Variants in ZBTB4 observed in about 807,000 individuals in gnomAD.
ZBTB4 encodes zinc finger and BTB domain containing 4.
A neutral mutation model predicts 59.8 loss-of-function variants in ZBTB4; 14 were observed. The observed-to-expected ratio is 0.23, with a 90% confidence interval of 0.15 to 0.37. ZBTB4 has a LOEUF of 0.37. ZBTB4 is among the 10% of genes least tolerant of loss of function. The pLI is 1.00. For missense variants in ZBTB4, 1,198 were observed against 1,380.8 expected, an observed-to-expected ratio of 0.87 and a Z score of 2.10; for synonymous variants, 587 against 575.2, an observed-to-expected ratio of 1.02 and a Z score of -0.29.
Position 7,461,879 on chromosome 17 carries a change from G to C in ZBTB4, c.*61C>G, listed in dbSNP as rs1055989816. Reference sequence around the variant, plus strand: ...CAAGGGGCAGGGAGGCCAGGGAGCTGGTAGTGGTGGGGGGTTCAGGGAGGG... The same window carrying C: ...CAAGGGGCAGGGAGGCCAGGGAGCTCGTAGTGGTGGGGGGTTCAGGGAGGG... On this transcript the variant is annotated 3_prime_UTR_variant, in exon 4 of 4. Coordinates refer to ENST00000380599, the MANE Select transcript of ZBTB4 (RefSeq NM_001128833.2). 2.8e-6 allele frequency: 4 copies of C among 1,431,808 alleles called. No individual in the cohort carries two copies. Among genetic ancestry groups the C allele is most frequent in the Non-Finnish European group, 2.8e-6 (3 of 1,060,396 alleles). The allele number at this position is 1,431,808 out of a possible 1,614,324, so 88.7% of individuals were successfully genotyped here.
At chr17:7,481,580 C>T (rs1317220125), upstream of ZBTB4, 6 of 1,248,424 alleles carry the variant, frequency 4.8e-6, no homozygotes, top group African/African-American at 1.5e-5. Context: ...GCTCCATTTC[C>T]CCTCCTTTCC....
intron 2 of ZBTB4, 31 bp downstream of exon 2, chr17:7,467,226 C>G: frequency 9.9e-7 from 1 of 1,010,228 alleles, no homozygotes; most frequent in Non-Finnish European, 1.2e-6. Context: ...TCTACTTTGT[C>G]CTCACTGTAG....
upstream of ZBTB4, chr17:7,481,516 G>A (rs201720527): frequency 3.8e-6 from 6 of 1,561,094 alleles, no homozygotes; most frequent in East Asian, 1.5e-4. Flanking sequence ...TCCAAGGAAA[G>A]ATGGTGAGTG....
rs1327015754 is a variant in ZBTB4 at position 7,465,744 on chromosome 17, G to C, written c.1058C>G (p.Thr353Arg). 1 of 1,612,886 alleles carries C rather than the reference G, an allele frequency of 6.2e-7. No individual in the cohort carries two copies. ...EKVFALAEYR[T>R]KHEVWHTGER... ...CCCCGTGTGCCACACTTCATGCTTC[G>C]TGCGGTACTCCGCCAGAGCAAACAC... is the stretch of plus-strand genomic sequence containing the variant. The change falls in exon 3 of 4, where the codon ACG becomes AGG. Residue 353 changes from threonine (T) to arginine (R), a missense_variant. Around this residue, in one of 9 missense-constraint regions of ZBTB4, gnomAD observed 11 missense variants for 57.5 expected, o/e 0.19. Transcript: ENST00000380599.
intron 1 of ZBTB4, among the ~76,000 whole-genome samples, chr17:7,477,780 T>G (rs540494499): frequency 3.9e-5 from 6 of 152,184 alleles, no homozygotes; most frequent in African/African-American, 1.2e-4. Flanking sequence ...TTTTTTCCAT[T>G]TTAGTGACAA....
rs1236632779 is a variant in ZBTB4 at position 7,459,738 on chromosome 17, C to T, written c.*2202G>A. The T allele has an allele frequency of 9.2e-5, 14 of 152,426 alleles. No individual in the cohort carries two copies. The highest frequency in any genetic ancestry group is 9.2e-4 in the Admixed American group (14 of 15,262). 9.4% of individuals were successfully genotyped at this position (152,426 alleles called of 1,614,324 possible). A position where few individuals can be genotyped will look rare whatever the true frequency, so the allele number is the denominator to read the frequency against. On this transcript the variant is annotated 3_prime_UTR_variant, in exon 4 of 4. Coordinates refer to ENST00000380599, the MANE Select transcript of ZBTB4 (RefSeq NM_001128833.2). Reference sequence around the variant, plus strand: ...AATCTCATTTGTTGCCCAGAACCACCACATTCTGGAAGCTATTTTCCTTGA... The same window carrying T: ...AATCTCATTTGTTGCCCAGAACCACTACATTCTGGAAGCTATTTTCCTTGA...
In ZBTB4 at chr17:7,462,155, C is replaced by T. The variant is rs754134000; in HGVS notation, c.2827G>A (p.Ala943Thr). Residue 943 changes from alanine (A) to threonine (T), a missense_variant, in exon 4 of 4, where the codon GCT (alanine) becomes ACT (threonine). Around this residue, in one of 9 missense-constraint regions of ZBTB4, gnomAD observed 211 missense variants for 236.1 expected, o/e 0.89. Coordinates refer to ENST00000380599, the MANE Select transcript of ZBTB4 (RefSeq NM_001128833.2). The surrounding 1 kb of genome is among the most constrained non-coding windows in gnomAD (Gnocchi z 7.5). ...AYPYNFSNLA[A>T]LPVALNMVLP... ...ACCATGTTGAGAGCAACCGGGAGAG[C>T]GGCCAAGTTACTGAAGTTGTAAGGG... 114 of 1,613,696 alleles carry T rather than the reference C, an allele frequency of 7.1e-5. No individual in the cohort carries two copies. Among genetic ancestry groups the T allele is most frequent in the Non-Finnish European group, 1.9e-5 (23 of 1,179,898 alleles).
intron 1 of ZBTB4, among the ~76,000 whole-genome samples, chr17:7,478,330 C>A (rs2070297490): frequency 6.6e-6 from 1 of 152,180 alleles, no homozygotes; most frequent in Admixed American, 6.5e-5. Context: ...TGCCAACTGA[C>A]CCACAGGCCC....
chr17:7,475,832 G>A (rs372833204), intron 1 of ZBTB4, among the ~76,000 whole-genome samples: 22 of 152,128 alleles, frequency 1.4e-4, no homozygotes, highest in African/African-American at 3.6e-4. Context: ...GTCAAGATTC[G>A]AATCCAGGCC....
At chr17:7,482,240 C>G, upstream of ZBTB4, 6 of 1,614,012 alleles carry the variant, frequency 3.7e-6, no homozygotes, top group Non-Finnish European at 4.2e-6. Context: ...TATTGCCCTG[C>G]TACTTAAACT....
Position 7,463,166 on chromosome 17 carries a change from C to T in ZBTB4, c.1816G>A (p.Val606Met). ...ACGATGGCCTCCTCCCCTATTCGCA[C>T]AGTGATCTGACACAGTGGAGGTGGA... is the stretch of plus-strand genomic sequence containing the variant. The part of the protein sequence containing the change: ...QAPPPLCQIT[V>M]RIGEEAIVKR... Residue 606 changes from valine (V) to methionine (M), a missense_variant, in exon 4 of 4, where the codon GTG (valine) becomes ATG (methionine). Val to Met is a conservative substitution (Grantham distance 21, BLOSUM62 1). Transcript: ENST00000380599. 1.2e-6 allele frequency: 2 copies of T among 1,607,544 alleles called. No homozygotes were observed. The highest frequency in any genetic ancestry group is 1.1e-5 in the South Asian group (1 of 90,432).
At chr17:7,477,071 T>A (rs1168296883) in intron 1 of ZBTB4, among the ~76,000 whole-genome samples, 1 of 152,202 alleles carries the variant, frequency 6.6e-6, no homozygotes, top group Admixed American at 6.5e-5. Context: ...AGGGTGTTGT[T>A]CTGAGGACAG....
chr17:7,470,320 C>T (rs1027596313), intron 1 of ZBTB4, among the ~76,000 whole-genome samples: 10 of 151,966 alleles, frequency 6.6e-5, no homozygotes, highest in African/African-American at 1.9e-4. Flanking sequence ...ATCCCTTAAG[C>T]CCAGGAGTTC....
At chr17:7,478,560 A>T (rs190964471) in intron 1 of ZBTB4, among the ~76,000 whole-genome samples, 1 of 151,936 alleles carries the variant, frequency 6.6e-6, no homozygotes, top group Admixed American at 6.6e-5. Flanking sequence ...GGGCACATAC[A>T]CTGCATCCTG....
rs899798447 is a variant in ZBTB4 at position 7,462,258 on chromosome 17, C to T, written c.2724G>A (p.Glu908=). The change falls in exon 4 of 4, where the codon GAG becomes GAA. Residue 908 remains glutamate, a synonymous_variant. Transcript: ENST00000380599. The surrounding 1 kb of genome is among the most constrained non-coding windows in gnomAD (Gnocchi z 7.5). ...AAGTGACTTTGGCAGCCCCTATCCC[C>T]TCCATCCGGTCCCCCTCACCAGCCC... The part of the protein sequence containing the change: ...PVGAGEGDRM[E]GIGAAKVTFY... 5 of 1,613,658 alleles carry T rather than the reference C, an allele frequency of 3.1e-6. No homozygotes were observed. Among genetic ancestry groups the T allele is most frequent in the Admixed American group, 3.3e-5 (2 of 59,974 alleles).
rs1358058466 is a variant in ZBTB4 at position 7,462,112 on chromosome 17, C to A, written c.2870G>T (p.Gly957Val). 7 of 1,612,252 alleles carry A rather than the reference C, an allele frequency of 4.3e-6. No homozygotes were observed. The highest frequency in any genetic ancestry group is 2.2e-5 in the East Asian group (1 of 44,858). The change falls in exon 4 of 4, where the codon GGT becomes GTT. Residue 957 changes from glycine (G) to valine (V), a missense_variant. Physicochemically the swap from Gly to Val is moderately radical, Grantham distance 109 (BLOSUM62 -3). This residue lies in a region of ZBTB4 where 211 missense variants were observed against 236.1 expected (regional missense o/e 0.89). Coordinates refer to ENST00000380599, the MANE Select transcript of ZBTB4 (RefSeq NM_001128833.2). This position sits in a 1 kb window ranked among gnomAD's most constrained non-coding sequence, Gnocchi z 7.5. ...ALNMVLPDEK[G>V]AGALPFLPGV... ...TGGTAGGAAGGGAAGGGCCCCCGCA[C>A]CCTTCTCATCAGGTAGGACCATGTT...
intron 1 of ZBTB4, among the ~76,000 whole-genome samples, chr17:7,477,890 A>C (rs1244669025): frequency 1.3e-5 from 2 of 152,148 alleles, no homozygotes; most frequent in African/African-American, 4.8e-5. Flanking sequence ...TGACCCTGAC[A>C]CGCTGGGCAG....
chr17:7,482,195 G>C, upstream of ZBTB4: 1 of 1,613,972 alleles, frequency 6.2e-7, no homozygotes, highest in Non-Finnish European at 8.5e-7. Flanking sequence ...GCCCTCGCTG[G>C]AGCTGCTCAT....
rs562009083 is a variant in ZBTB4 at position 7,459,671 on chromosome 17, T to C, written c.*2269A>G. On this transcript the variant is annotated 3_prime_UTR_variant, in exon 4 of 4. Transcript: ENST00000380599. ...CATCTGAAACTCACAATATTCAAAT[T>C]CCCCAGCTCAAATACATATATTTTA... 6.6e-6 allele frequency: 1 copy of C among 152,286 alleles called. No homozygotes were observed. Among genetic ancestry groups the C allele is most frequent in the African/African-American group, 2.4e-5 (1 of 41,474 alleles). The allele number at this position is 152,286 out of a possible 1,614,324, so 9.4% of individuals were successfully genotyped here.
Sources: gnomAD v4.1 joint callset for allele counts (sites outside exome capture counted in the v4.1 genomes callset) on GRCh38, gnomAD v4.1.1 for gene constraint, gnomAD v4.1.1 regional missense constraint, Gnocchi (gnomAD v3.1) non-coding constraint, MANE v1.5 for transcripts, NCBI Gene and HGNC (gene_info 2026-07-23, HGNC 2026-07-21) for gene names.